Variants in ZC3H12B observed in about 807,000 individuals in gnomAD.
ZC3H12B encodes zinc finger CCCH-type containing 12B.
In ZC3H12B, 7 loss-of-function variants were observed where a neutral mutation model predicts 43.9. The observed-to-expected ratio is 0.16, with a 90% CI of 0.09 to 0.30. ZC3H12B has a LOEUF of 0.30. Ranked by LOEUF, ZC3H12B falls within the 10% of genes least tolerant of loss-of-function variation. The pLI, the probability that ZC3H12B is intolerant of heterozygous loss-of-function variation, is 1.00. For missense variants in ZC3H12B, 475 were observed against 670.2 expected (o/e 0.71, Z 3.22); for synonymous variants, 222 against 241.7 (o/e 0.92, Z 0.76).
At chrX:65,216,415 G>A in the ZC3H12B span, among the ~76,000 whole-genome samples, 2 of 111,171 alleles carry the variant, frequency 1.8e-5, no homozygotes, top group Non-Finnish European at 3.8e-5. Flanking sequence ...TCCATGGAGG[G>A]AGCATTTATA....
Position 65,373,994 on chromosome X carries a change from A to AG in ZC3H12B, n.295+4996_295+4997insG, listed in dbSNP as rs1173234013. Among the ~76,000 whole-genome samples the AG allele has an allele frequency of 1.2e-3, 61 of 52,703 alleles. 4 individuals are homozygous for AG. Among genetic ancestry groups the AG allele is most frequent in the African/African-American group, 9.0e-3 (60 of 6,680 alleles). The allele number at this position is 52,703 out of a possible 115,157, so 45.8% of individuals were successfully genotyped here. A position where few individuals can be genotyped will look rare whatever the true frequency, so the allele number is the denominator to read the frequency against. ...TAGTATATATATATACTATATATAT[A>AG]TAGTATATATATATAACTATATATA... On this transcript the variant is annotated intron_variant and non_coding_transcript_variant, in intron 2 of 5. Transcript: ENST00000617377.
chrX:65,500,387 TA>T (rs1256903149), intron 4 of ZC3H12B, among the ~76,000 whole-genome samples: 1 of 112,639 alleles, frequency 8.9e-6, no homozygotes, highest in Non-Finnish European at 1.9e-5. Flanking sequence ...TTTCAATTAA[TA>T]CTAACCTTTC....
At chrX:65,414,276 G>T (rs948045409) in intron 3 of ZC3H12B, among the ~76,000 whole-genome samples, 1 of 110,273 alleles carries the variant, frequency 9.1e-6, no homozygotes, top group Non-Finnish European at 1.9e-5. Flanking sequence ...TTTTTTGAGG[G>T]GGGGAAGGGT....
At chrX:65,334,066 T>C in the ZC3H12B span, among the ~76,000 whole-genome samples, 1 of 112,114 alleles carries the variant, frequency 8.9e-6, no homozygotes, top group Non-Finnish European at 1.9e-5. Flanking sequence ...TGCATTAGTG[T>C]ACTATTGATG....
the ZC3H12B span, among the ~76,000 whole-genome samples, chrX:65,087,428 T>C: frequency 8.9e-6 from 1 of 112,124 alleles, no homozygotes; most frequent in Non-Finnish European, 1.9e-5. Context: ...GTTGAAGATA[T>C]ATACAAGGGA....
intron 2 of ZC3H12B, among the ~76,000 whole-genome samples, chrX:65,378,002 G>A (rs1336003681): frequency 1.8e-5 from 2 of 110,831 alleles, no homozygotes; most frequent in Non-Finnish European, 3.8e-5. Flanking sequence ...GGGAGACTGA[G>A]GCAGGAGAAT....
the ZC3H12B span, among the ~76,000 whole-genome samples, chrX:65,203,834 G>T: frequency 1.9e-3 from 210 of 111,531 alleles, 1 homozygote; most frequent in African/African-American, 6.7e-3. Context: ...TATGGTCTAG[G>T]CTGCCTTTCA....
chrX:65,377,915 G>A (rs1039463398), intron 2 of ZC3H12B, among the ~76,000 whole-genome samples: 4 of 110,522 alleles, frequency 3.6e-5, no homozygotes, highest in South Asian at 3.9e-4. Context: ...TGGCAAACAC[G>A]GTGAAACCCC....
the ZC3H12B span, among the ~76,000 whole-genome samples, chrX:65,038,040 A>T: frequency 1.6e-3 from 177 of 111,476 alleles, no homozygotes; most frequent in Non-Finnish European, 8.7e-4. Context: ...TAGTCAGATG[A>T]CTAATTGTCT....
At chrX:65,506,850 T>C (rs769126918) in exon 5 of ZC3H12B, 1 of 110,932 alleles carries the variant, frequency 9.0e-6, no homozygotes, top group South Asian at 3.9e-4. Flanking sequence ...TTGCACTCTC[T>C]CTTAAGGTGC....
intron 3 of ZC3H12B, among the ~76,000 whole-genome samples, chrX:65,476,187 T>C (rs1330697232): frequency 1.8e-5 from 2 of 112,070 alleles, no homozygotes; most frequent in Non-Finnish European, 3.8e-5. Context: ...TTTATTTCTT[T>C]AAATGAGATT....
chrX:65,111,212 T>G, the ZC3H12B span, among the ~76,000 whole-genome samples: 1,606 of 111,547 alleles, frequency 0.014, 10 homozygotes, highest in Middle Eastern at 0.055. Flanking sequence ...ATTTGTATAC[T>G]GTTATATCCT....
chrX:65,288,767 G>A, the ZC3H12B span, among the ~76,000 whole-genome samples: 56 of 111,314 alleles, frequency 5.0e-4, no homozygotes, highest in African/African-American at 1.7e-3. Flanking sequence ...AGGGAAAAAA[G>A]TAAAAAGTAT....
At chrX:65,063,105 A>G in the ZC3H12B span, among the ~76,000 whole-genome samples, 2 of 112,084 alleles carry the variant, frequency 1.8e-5, no homozygotes, top group Non-Finnish European at 3.8e-5. Context: ...GTCATCTTCA[A>G]ACAGACACAA....
the ZC3H12B span, among the ~76,000 whole-genome samples, chrX:65,292,639 T>A: frequency 1.8e-5 from 2 of 109,890 alleles, no homozygotes; most frequent in South Asian, 3.8e-4. Flanking sequence ...TTTTTTTTTT[T>A]AAAGCATACA....
At chrX:65,373,947 T>TTTA (rs2066292909) in intron 2 of ZC3H12B, among the ~76,000 whole-genome samples, 1 of 45,800 alleles carries the variant, frequency 2.2e-5, no homozygotes. Flanking sequence ...ATATATATAG[T>TTTA]TATATATATA....
At chrX:65,089,206 G>A in the ZC3H12B span, among the ~76,000 whole-genome samples, 2 of 111,151 alleles carry the variant, frequency 1.8e-5, no homozygotes, top group African/African-American at 6.5e-5. Context: ...TTTTGTCATT[G>A]TTGTGAGCAT....
At chrX:65,463,661 C>T (rs767218363) in intron 3 of ZC3H12B, among the ~76,000 whole-genome samples, 1 of 110,781 alleles carries the variant, frequency 9.0e-6, no homozygotes, top group Non-Finnish European at 1.9e-5. Flanking sequence ...TGCATCTTTC[C>T]CTGTTCTGTC....
At chrX:65,400,008 G>A (rs749886008) in intron 3 of ZC3H12B, among the ~76,000 whole-genome samples, 2 of 111,340 alleles carry the variant, frequency 1.8e-5, no homozygotes, top group South Asian at 7.5e-4. Flanking sequence ...ATAGAGAGTA[G>A]AAGAGTAGGT....
Sources: gnomAD v4.1 joint callset for allele counts (sites outside exome capture counted in the v4.1 genomes callset) on GRCh38, gnomAD v4.1.1 for gene constraint, MANE v1.5 for transcripts, NCBI Gene and HGNC (gene_info 2026-07-23, HGNC 2026-07-21) for gene names.